ENTPD1: variants seen among roughly 807,000 people sequenced by gnomAD.
ENTPD1 encodes the protein ATP diphosphohydrolase.
A neutral mutation model predicts 57.0 loss-of-function variants in ENTPD1; 33 were observed. That is an observed-to-expected ratio of 0.58 (90% CI 0.44 to 0.77). The LOEUF is 0.77. ENTPD1 is among the 30% of genes least tolerant of loss of function. The pLI, the probability that ENTPD1 is intolerant of heterozygous loss-of-function variation, is 0.00. For synonymous variants in ENTPD1, 202 were observed against 218.8 expected, an observed-to-expected ratio of 0.92 and a Z score of 0.68; for missense variants, 501 against 603.4, an observed-to-expected ratio of 0.83 and a Z score of 1.78.
intron 1 of ENTPD1, among the ~76,000 whole-genome samples, chr10:95,724,576 C>A (rs372660152): frequency 3.9e-5 from 6 of 152,282 alleles, no homozygotes; most frequent in African/African-American, 1.4e-4. Flanking sequence ...GTGTTCAGCT[C>A]AACTAGGACG....
intron 1 of ENTPD1, among the ~76,000 whole-genome samples, chr10:95,770,387 A>G (rs1476654483): frequency 2.0e-5 from 3 of 152,066 alleles, no homozygotes; most frequent in East Asian, 3.9e-4. Context: ...AATGCTGCTC[A>G]TGGGTAAAAT....
intron 1 of ENTPD1, among the ~76,000 whole-genome samples, chr10:95,745,128 C>A (rs2098004650): frequency 6.6e-6 from 1 of 152,132 alleles, no homozygotes; most frequent in African/African-American, 2.4e-5. Flanking sequence ...GTTATACTTG[C>A]AATTCACAGA....
chr10:95,870,724 A>T lies in ENTPD1; in HGVS notation c.*4341A>T, dbSNP rs982912433. On this transcript the variant is annotated 3_prime_UTR_variant, in exon 10 of 10. Coordinates refer to ENST00000371205, the MANE Select transcript of ENTPD1 (RefSeq NM_001776.6). Reference sequence around the variant, plus strand: ...TGGCCCCTCTCTGATTCAAATACCAATAGTTGCTCTGATTCAAATTCCAAC... The same window carrying T: ...TGGCCCCTCTCTGATTCAAATACCATTAGTTGCTCTGATTCAAATTCCAAC... 1 of 985,342 alleles carries T rather than the reference A, an allele frequency of 1.0e-6. No individual in the cohort carries two copies. Among genetic ancestry groups the T allele is most frequent in the Non-Finnish European group, 1.2e-6 (1 of 829,938 alleles). 61.0% of individuals were successfully genotyped at this position (985,342 alleles called of 1,614,324 possible).
chr10:95,785,042 T>C (rs1243754456), intron 1 of ENTPD1: 1 of 151,866 alleles, frequency 6.6e-6, no homozygotes, highest in Non-Finnish European at 1.5e-5. Context: ...GAAATCACTT[T>C]GATGAGGGCA....
At chr10:95,845,250 C>G (rs1427756903) in intron 5 of ENTPD1, 107 bp from the exon 6 acceptor site, 24 of 1,533,304 alleles carry the variant, frequency 1.6e-5, no homozygotes, top group Non-Finnish European at 2.1e-5. Flanking sequence ...TTTGCCTCAC[C>G]TTTATGCCCC....
At chr10:95,811,855 A>T (rs909403546) in intron 1 of ENTPD1, among the ~76,000 whole-genome samples, 2 of 152,234 alleles carry the variant, frequency 1.3e-5, no homozygotes, top group Admixed American at 6.5e-5. Context: ...GTCTTTTGCC[A>T]TTACAAACAA....
rs908376686 is a variant in ENTPD1 at position 95,873,286 on chromosome 10, G to A, written c.*6903G>A. The A allele has an allele frequency of 4.1e-6, 4 of 985,410 alleles. No individual in the cohort carries two copies. Among genetic ancestry groups the A allele is most frequent in the Non-Finnish European group, 3.6e-6 (3 of 829,946 alleles). 61.0% of individuals were successfully genotyped at this position (985,410 alleles called of 1,614,324 possible). On this transcript the variant is annotated 3_prime_UTR_variant, in exon 10 of 10. Coordinates refer to ENST00000371205, the MANE Select transcript of ENTPD1 (RefSeq NM_001776.6). ...TCACAGGCATTCTGTTCCACAGCAG[G>A]CCAGCTAACGTGGTATTTACAAAGC... is the stretch of plus-strand genomic sequence containing the variant.
chr10:95,840,521 G>A (rs1013027319), intron 3 of ENTPD1, among the ~76,000 whole-genome samples: 1 of 152,130 alleles, frequency 6.6e-6, no homozygotes, highest in Non-Finnish European at 1.5e-5. Context: ...TCTTAGGGCT[G>A]GGAAAAGGAA....
chr10:95,785,837 A>T (rs1444554462), intron 1 of ENTPD1, among the ~76,000 whole-genome samples: 1 of 152,200 alleles, frequency 6.6e-6, no homozygotes, highest in Non-Finnish European at 1.5e-5. Flanking sequence ...TAGGCTAATG[A>T]TATCTATGGT....
At chr10:95,776,431 G>T (rs535374509) in intron 1 of ENTPD1, among the ~76,000 whole-genome samples, 4 of 152,276 alleles carry the variant, frequency 2.6e-5, no homozygotes, top group African/African-American at 9.6e-5. Context: ...ATTATGGGTT[G>T]AAAATTCTTT....
chr10:95,750,947 T>C (rs10882659), upstream of ENTPD1, among the ~76,000 whole-genome samples: 76,127 of 151,808 alleles, frequency 0.5, 19,556 homozygotes, highest in Admixed American at 0.6. Context: ...TGCTTGAACC[T>C]GGGAGGCGGA....
chr10:95,871,845 C>T lies in ENTPD1; in HGVS notation c.*5462C>T. ...GTATTAGTCAATGGTAAGTAAGATA[C>T]TCTCATCTAAGAAATAACATCACCT... On this transcript the variant is annotated 3_prime_UTR_variant, in exon 10 of 10. Coordinates refer to ENST00000371205, the MANE Select transcript of ENTPD1 (RefSeq NM_001776.6). 1.0e-6 allele frequency: 1 copy of T among 985,366 alleles called. No homozygotes were observed. The highest frequency in any genetic ancestry group is 1.2e-6 in the Non-Finnish European group (1 of 829,906). The allele number at this position is 985,366 out of a possible 1,614,324, so 61.0% of individuals were successfully genotyped here.
intron 1 of ENTPD1, among the ~76,000 whole-genome samples, chr10:95,769,128 G>A (rs1048731161): frequency 6.6e-6 from 1 of 152,234 alleles, no homozygotes; most frequent in Non-Finnish European, 1.5e-5. Flanking sequence ...GCCATGTACA[G>A]TAGTCATGTT....
At chr10:95,787,228 CT>C (rs1482342596) in intron 1 of ENTPD1, among the ~76,000 whole-genome samples, 2 of 152,116 alleles carry the variant, frequency 1.3e-5, no homozygotes, top group Non-Finnish European at 2.9e-5. Flanking sequence ...ATTGATACAA[CT>C]TTTAGGGAAA....
rs2098480977 is a variant in ENTPD1, at chr10:95,871,990, C to T, written c.*5607C>T. ...CATTACTCCTAACCCAGTTCCTCCTCCTGTGTTTTACATGATTAATGCCAC... is the reference window on the plus strand; with the variant it reads ...CATTACTCCTAACCCAGTTCCTCCTTCTGTGTTTTACATGATTAATGCCAC... On this transcript the variant is annotated 3_prime_UTR_variant, in exon 10 of 10. Coordinates refer to ENST00000371205, the MANE Select transcript of ENTPD1 (RefSeq NM_001776.6). 1.0e-6 allele frequency: 1 copy of T among 985,312 alleles called. No individual in the cohort carries two copies. The highest frequency in any genetic ancestry group is 4.7e-5 in the South Asian group (1 of 21,294). The allele number at this position is 985,312 out of a possible 1,614,324, so 61.0% of individuals were successfully genotyped here.
At chr10:95,863,952 A>C (rs1185900033) in intron 8 of ENTPD1, among the ~76,000 whole-genome samples, 1 of 152,174 alleles carries the variant, frequency 6.6e-6, no homozygotes, top group Non-Finnish European at 1.5e-5. Context: ...AGAGTTGCAG[A>C]GCAGGCTGTG....
In ENTPD1 at chr10:95,721,041, G is replaced by GT. The variant is rs912862890; in HGVS notation, c.37+9057dup. Among the ~76,000 whole-genome samples the GT allele has an allele frequency of 4.6e-4, 69 of 151,238 alleles. No homozygotes were observed. In the East Asian group the frequency reaches 5.6e-3, roughly 12 times the overall value. On this transcript the variant is annotated intron_variant, in intron 1 of 9. Coordinates refer to the ENTPD1 transcript ENST00000453258. ...CATGCCTAAGGCGGACTTTTGAAGTGTTTTTTTTTATGTCTGCAGCTGACT... is the reference window on the plus strand; with the variant it reads ...CATGCCTAAGGCGGACTTTTGAAGTGTTTTTTTTTTATGTCTGCAGCTGACT...
intron 1 of ENTPD1, among the ~76,000 whole-genome samples, chr10:95,805,742 A>G (rs2098269416): frequency 6.6e-6 from 1 of 152,068 alleles, no homozygotes; most frequent in African/African-American, 2.4e-5. Context: ...TTTCTCCTTC[A>G]CTTATGAAGC....
chr10:95,860,078 A>T (rs1161225022), intron 7 of ENTPD1, among the ~76,000 whole-genome samples: 1 of 152,198 alleles, frequency 6.6e-6, no homozygotes, highest in Non-Finnish European at 1.5e-5. Flanking sequence ...CAATTTCGCT[A>T]CTCAGAGATA....
Sources: gnomAD v4.1 joint callset for allele counts (sites outside exome capture counted in the v4.1 genomes callset) on GRCh38, gnomAD v4.1.1 for gene constraint, MANE v1.5 for transcripts, NCBI Gene and HGNC (gene_info 2026-07-23, HGNC 2026-07-21) for gene names.